The following PRKN variants were observed in gnomAD, a reference collection of about 807,000 sequenced individuals.
PRKN encodes the protein parkin RBR E3 ubiquitin protein ligase.
Under a neutral mutation model 59.5 loss-of-function variants are expected in PRKN, and 56 were observed. The ratio of observed to expected loss-of-function variants is 0.94; its 90% CI spans 0.76 to 1.18. PRKN has a LOEUF of 1.18. Among genes scored for constraint, PRKN ranks in the 50% most tolerant of loss-of-function variants. The probability of loss-of-function intolerance (pLI) is 0.00; values close to 1 mark genes in which losing one functional copy is unlikely to be tolerated. For synonymous variants in PRKN, 250 were observed against 222.1 expected, an observed-to-expected ratio of 1.13 and a Z score of -1.12; for missense variants, 657 against 596.4, an observed-to-expected ratio of 1.10 and a Z score of -1.06.
At chr6:161,677,037 G>T (rs1459512341) in intron 7 of PRKN, among the ~76,000 whole-genome samples, 1 of 152,156 alleles carries the variant, frequency 6.6e-6, no homozygotes, top group African/African-American at 2.4e-5. Flanking sequence ...ATATATATTT[G>T]CTTTGGCTCC....
intron 1 of PRKN, among the ~76,000 whole-genome samples, chr6:162,533,622 A>G (rs918210983): frequency 6.6e-6 from 1 of 152,182 alleles, no homozygotes; most frequent in Non-Finnish European, 1.5e-5. Context: ...CGGGTTTTAC[A>G]CTTTACCAAC....
chr6:162,272,999 GAAAAA>G (rs548215878), intron 2 of PRKN, among the ~76,000 whole-genome samples: 10 of 55,006 alleles, frequency 1.8e-4, no homozygotes, highest in South Asian at 1.2e-3. Flanking sequence ...GCCTGTGTCT[GAAAAA>G]AAAAAAAAAA....
intron 7 of PRKN, among the ~76,000 whole-genome samples, chr6:161,660,550 C>T (rs1784505741): frequency 6.6e-6 from 1 of 152,188 alleles, no homozygotes; most frequent in Non-Finnish European, 1.5e-5. Context: ...AGATGATGAG[C>T]ATGGCCCATT....
chr6:161,360,255 G>T lies in PRKN; in HGVS notation c.1168-50C>A, dbSNP rs1229142227. The T allele has an allele frequency of 7.1e-7, 1 of 1,405,406 alleles. No homozygotes were observed. The highest frequency in any genetic ancestry group is 1.7e-5 in the Admixed American group (1 of 59,752). The allele number at this position is 1,405,406 out of a possible 1,614,324, so 87.1% of individuals were successfully genotyped here. On this transcript the variant is annotated intron_variant, in intron 10 of 11. Transcript: ENST00000366898. This position sits in a 1 kb window ranked among gnomAD's most constrained non-coding sequence, Gnocchi z 5.1. ...TTTAATCTCAGCTTTCTATTACTGG[G>T]ATCAGAGTTTATGTTCCCTGTACGT... is the stretch of plus-strand genomic sequence containing the variant.
chr6:162,235,958 GAAGAAAGAAAGAAAGAAAGAAAGA>G (rs58769358), intron 3 of PRKN, among the ~76,000 whole-genome samples: 3 of 92,598 alleles, frequency 3.2e-5, no homozygotes, highest in Admixed American at 1.2e-4. Context: ...AGGAAGAAAG[GAAGAAAGAAAGAAAGAAAGAAAGA>G]AAGAAAGAAA....
intron 2 of PRKN, among the ~76,000 whole-genome samples, chr6:162,381,715 T>C (rs1001306049): frequency 6.6e-6 from 1 of 152,328 alleles, no homozygotes; most frequent in East Asian, 1.9e-4. Flanking sequence ...TTTTTACCAT[T>C]ACGCACTTTT....
intron 6 of PRKN, among the ~76,000 whole-genome samples, chr6:161,964,814 A>G (rs1780515871): frequency 6.6e-6 from 1 of 152,058 alleles, no homozygotes; most frequent in African/African-American, 2.4e-5. Context: ...GACTGGATAA[A>G]CTATCAGATC....
intron 1 of PRKN, among the ~76,000 whole-genome samples, chr6:162,692,149 G>A (rs995409520): frequency 8.5e-6 from 1 of 117,490 alleles, no homozygotes; most frequent in Non-Finnish European, 1.9e-5. Flanking sequence ...AAAACTTAAA[G>A]TATAATAAAA....
chr6:161,999,763 A>G (rs1011814257), intron 5 of PRKN, among the ~76,000 whole-genome samples: 2 of 152,084 alleles, frequency 1.3e-5, no homozygotes, highest in Non-Finnish European at 2.9e-5. Flanking sequence ...TTGGTCAGCT[A>G]ATTTCCGCAA....
chr6:162,161,610 A>C (rs1019499915), intron 4 of PRKN, among the ~76,000 whole-genome samples: 7 of 152,112 alleles, frequency 4.6e-5, no homozygotes, highest in Non-Finnish European at 1.0e-4. Context: ...GCAGCCTGCC[A>C]TTGTTCATTG....
chr6:162,166,031 G>C (rs952038345), intron 4 of PRKN, among the ~76,000 whole-genome samples: 3 of 114,354 alleles, frequency 2.6e-5, no homozygotes, highest in Non-Finnish European at 4.9e-5. Flanking sequence ...CTGGGCAACA[G>C]AGCGAGACTC....
Position 162,466,234 on chromosome 6 carries a change from C to T in PRKN, c.8-22761G>A, listed in dbSNP as rs192968636. ...TTCAAGAAAATAACACTTTCCATTG[C>T]CTTTCTTTTTTTCCTTACAACCTGT... On this transcript the variant is annotated intron_variant, in intron 1 of 11. Transcript: ENST00000366898. Among the ~76,000 whole-genome samples, 384 of 152,262 alleles carry T rather than the reference C, an allele frequency of 2.5e-3. 4 individuals carry two copies. The highest frequency in any genetic ancestry group is 5.2e-3 in the Admixed American group (80 of 15,292).
In PRKN at chr6:161,453,028, C is replaced by T. The variant is rs1789810085; in HGVS notation, c.1084-66151G>A. Reference sequence around the variant, plus strand: ...TGTATTGTCAAAGTCTATACAGGACCACACACATTCTTCGTGTATTCAATC... The same window carrying T: ...TGTATTGTCAAAGTCTATACAGGACTACACACATTCTTCGTGTATTCAATC... On this transcript the variant is annotated intron_variant, in intron 9 of 11. Transcript: ENST00000366898. 2.0e-5 allele frequency among the ~76,000 whole-genome samples: 3 copies of T among 152,250 alleles called. No individual in the cohort carries two copies. The South Asian group carries it at 6.2e-4, about 32-fold the overall frequency.
At position 161,447,553 on chromosome 6, in the gene PRKN, G is replaced by A. The variant is rs7767517; in HGVS notation, c.1084-60676C>T. On this transcript the variant is annotated intron_variant, in intron 9 of 11. Coordinates refer to ENST00000366898, the MANE Select transcript of PRKN (RefSeq NM_004562.3). This position sits in a 1 kb window ranked among gnomAD's most constrained non-coding sequence, Gnocchi z 4.1. ...CTGTCGCCCAGGCTGGAGTGCAGTG[G>A]AGTGATCTCAGCTCACTGCAACCTC... Among the ~76,000 whole-genome samples, 16,174 of 152,096 alleles carry A rather than the reference G, an allele frequency of 0.11. 1,050 individuals carry two copies. Among genetic ancestry groups the A allele is most frequent in the Middle Eastern group, 0.14 (40 of 294 alleles).
chr6:162,051,424 G>T (rs2128284707), intron 5 of PRKN, among the ~76,000 whole-genome samples: 1 of 152,286 alleles, frequency 6.6e-6, no homozygotes, highest in African/African-American at 2.4e-5. Flanking sequence ...CAGCGTGGGG[G>T]ACTTTCCGCC....
At chr6:162,457,245 G>C (rs1383010073) in intron 1 of PRKN, among the ~76,000 whole-genome samples, 1 of 152,076 alleles carries the variant, frequency 6.6e-6, no homozygotes, top group Non-Finnish European at 1.5e-5. Context: ...TTATGCAGGA[G>C]AGTAGAATAG....
At chr6:161,877,070 A>G (rs1794757452) in intron 6 of PRKN, among the ~76,000 whole-genome samples, 1 of 152,156 alleles carries the variant, frequency 6.6e-6, no homozygotes, top group Non-Finnish European at 1.5e-5. Context: ...GACGCAAATG[A>G]TTCAATGCCT....
chr6:161,597,379 G>T (rs1781952450), intron 7 of PRKN, among the ~76,000 whole-genome samples: 1 of 152,262 alleles, frequency 6.6e-6, no homozygotes, highest in Non-Finnish European at 1.5e-5. Context: ...CATAGCTAGG[G>T]CTTATTGAGT....
At chr6:161,833,614 T>TCGGATGTC (rs1410316527) in intron 6 of PRKN, among the ~76,000 whole-genome samples, 3 of 152,026 alleles carry the variant, frequency 2.0e-5, no homozygotes, top group Admixed American at 6.6e-5. Context: ...CAGACTCCCC[T>TCGGATGTC]CGGATGTCCG....
Sources: gnomAD v4.1 joint callset for allele counts (sites outside exome capture counted in the v4.1 genomes callset) on GRCh38, gnomAD v4.1.1 for gene constraint, Gnocchi (gnomAD v3.1) non-coding constraint, MANE v1.5 for transcripts, NCBI Gene and HGNC (gene_info 2026-07-23, HGNC 2026-07-21) for gene names.